Variants in VAC14 observed in about 807,000 individuals in gnomAD.
The protein encoded by VAC14 is VAC14 component of PIKFYVE complex, also known as protein VAC14 homolog.
Under a neutral mutation model 85.3 loss-of-function variants are expected in VAC14, and 47 were observed. The observed-to-expected ratio is 0.55, with a 90% confidence interval of 0.44 to 0.70. The LOEUF (loss-of-function observed/expected upper bound fraction) is 0.70, where lower values mean the gene tolerates loss of function less well. Ranked by LOEUF, VAC14 falls within the 30% of genes least tolerant of loss-of-function variation. The pLI, the probability that VAC14 is intolerant of heterozygous loss-of-function variation, is 0.00. For missense variants in VAC14, 861 were observed against 1,004.3 expected (o/e 0.86, Z 1.93); for synonymous variants, 447 against 430.5 (o/e 1.04, Z -0.47).
intron 14 of VAC14, among the ~76,000 whole-genome samples, chr16:70,722,901 G>T (rs937667177): frequency 6.6e-6 from 1 of 152,124 alleles, no homozygotes; most frequent in Admixed American, 6.5e-5. Flanking sequence ...GCAACATAGT[G>T]AGACCCCATC....
chr16:70,729,117 T>C (rs1323520582), intron 14 of VAC14, among the ~76,000 whole-genome samples: 3 of 152,208 alleles, frequency 2.0e-5, no homozygotes, highest in Non-Finnish European at 4.4e-5. Context: ...TTTAGAGACA[T>C]TTCAGACGGT....
At position 70,766,467 on chromosome 16, in the gene VAC14, G is replaced by A. The variant is rs200657919; in HGVS notation, c.1161-3442C>T. On this transcript the variant is annotated intron_variant, in intron 10 of 18. Transcript: ENST00000261776. ...GCAAACACCTGAACACAGCGAACCTGAAGGTATAGGGCATCTTCAGGCTGC... is the reference window on the plus strand; with the variant it reads ...GCAAACACCTGAACACAGCGAACCTAAAGGTATAGGGCATCTTCAGGCTGC... The A allele has an allele frequency of 9.2e-4, 419 of 456,724 alleles. 1 individual carries two copies. Among genetic ancestry groups the A allele is most frequent in the Non-Finnish European group, 1.7e-3 (391 of 226,962 alleles). 28.3% of individuals were successfully genotyped at this position (456,724 alleles called of 1,614,324 possible).
chr16:70,696,047 C>T (rs912200759), intron 16 of VAC14, among the ~76,000 whole-genome samples: 2 of 152,216 alleles, frequency 1.3e-5, no homozygotes, highest in Non-Finnish European at 2.9e-5. Context: ...GGGAAGCAGG[C>T]ACACTGTGGG....
intron 14 of VAC14, among the ~76,000 whole-genome samples, chr16:70,728,121 G>A: frequency 6.6e-6 from 1 of 152,236 alleles, no homozygotes. Context: ...GGCTGTGCGG[G>A]TGGGAGTGAG....
chr16:70,720,322 A>G (rs2054258331), intron 14 of VAC14, among the ~76,000 whole-genome samples: 1 of 152,226 alleles, frequency 6.6e-6, no homozygotes, highest in Non-Finnish European at 1.5e-5. Flanking sequence ...ACTTTCAAAT[A>G]GTACGTTCTT....
At chr16:70,752,923 G>A (rs1008346552) in intron 12 of VAC14, among the ~76,000 whole-genome samples, 2 of 152,062 alleles carry the variant, frequency 1.3e-5, no homozygotes, top group Admixed American at 1.3e-4. Flanking sequence ...CGATGGAGAG[G>A]GATTAGAGCT....
chr16:70,762,677 C>T lies in VAC14; in HGVS notation c.1306-72G>A, dbSNP rs543295715. ...CGGGACTACGTGCAGTGCAGTGTCC[C>T]GCTGGTGTGCACGGACCCACTGGTC... On this transcript the variant is annotated intron_variant, in intron 11 of 18. Transcript: ENST00000261776. The surrounding 1 kb of genome is among the most constrained non-coding windows in gnomAD (Gnocchi z 4.1). 5.3e-5 allele frequency: 82 copies of T among 1,558,494 alleles called. 1 individual carries two copies. In the South Asian group the frequency reaches 6.5e-4, roughly 12 times the overall value.
At chr16:70,718,513 G>A (rs536397726) in intron 14 of VAC14, among the ~76,000 whole-genome samples, 1 of 151,800 alleles carries the variant, frequency 6.6e-6, no homozygotes, top group East Asian at 1.9e-4. Context: ...GGCAGAGCTT[G>A]CAGTGAGACA....
At chr16:70,798,602 G>A (rs769508372) in intron 1 of VAC14, among the ~76,000 whole-genome samples, 5 of 152,218 alleles carry the variant, frequency 3.3e-5, no homozygotes, top group South Asian at 2.1e-4. Context: ...TTCTAAGCAT[G>A]ACTGGAGAAG....
intron 12 of VAC14, among the ~76,000 whole-genome samples, chr16:70,748,639 C>G (rs1036175595): frequency 6.6e-6 from 1 of 152,148 alleles, no homozygotes; most frequent in African/African-American, 2.4e-5. Flanking sequence ...TAGGCAGGGC[C>G]AGATCTTCAA....
intron 12 of VAC14, among the ~76,000 whole-genome samples, chr16:70,757,071 G>A (rs1256707793): frequency 2.0e-5 from 3 of 152,184 alleles, no homozygotes; most frequent in Non-Finnish European, 4.4e-5. Context: ...CTGAAGCTAC[G>A]GGAGGGGGAA....
chr16:70,748,275 C>A (rs563116484), intron 12 of VAC14, among the ~76,000 whole-genome samples: 26 of 152,366 alleles, frequency 1.7e-4, no homozygotes, highest in Admixed American at 5.2e-4. Context: ...TGGGCTAGTC[C>A]TGTGCTGGGT....
At chr16:70,797,830 T>G (rs192337294) in intron 1 of VAC14, among the ~76,000 whole-genome samples, 48 of 152,328 alleles carry the variant, frequency 3.2e-4, no homozygotes, top group African/African-American at 1.1e-3. Flanking sequence ...CTGCTCACTC[T>G]CTTTTGCTCC....
intron 1 of VAC14, among the ~76,000 whole-genome samples, chr16:70,790,729 T>TC (rs1234813540): frequency 1.3e-5 from 2 of 151,482 alleles, no homozygotes. Flanking sequence ...CCGGAAGGCC[T>TC]CCCCCACCAG....
At chr16:70,781,207 G>A (rs1249838399) in intron 8 of VAC14, among the ~76,000 whole-genome samples, 5 of 151,998 alleles carry the variant, frequency 3.3e-5, no homozygotes, top group African/African-American at 1.2e-4. Context: ...GTGACCTGCT[G>A]GCTTCCTCTT....
intron 18 of VAC14, chr16:70,688,642 C>T (rs1567516022): frequency 2.3e-5 from 23 of 985,646 alleles, no homozygotes; most frequent in Non-Finnish European, 2.8e-5. Flanking sequence ...GAATGCCGGT[C>T]TCACCACTGG....
chr16:70,733,087 G>C (rs1443860288), intron 13 of VAC14, among the ~76,000 whole-genome samples: 1 of 152,190 alleles, frequency 6.6e-6, no homozygotes, highest in African/African-American at 2.4e-5. Flanking sequence ...ACTAATTTCA[G>C]AACATTTTTA....
rs144022940 is a variant in VAC14, at chr16:70,725,003, C to T, written c.1661+6492G>A. On this transcript the variant is annotated intron_variant, in intron 14 of 18. Transcript: ENST00000261776. Reference sequence around the variant, plus strand: ...CACAGCAATTTATTTTTATCCTGAACAAATGAACGCAATCCATTAAAAGGG... The same window carrying T: ...CACAGCAATTTATTTTTATCCTGAATAAATGAACGCAATCCATTAAAAGGG... 4.2e-3 allele frequency among the ~76,000 whole-genome samples: 642 copies of T among 152,388 alleles called. 5 individuals carry two copies. The Middle Eastern group carries it at 0.048, about 11-fold the overall frequency.
In VAC14 at chr16:70,761,016, T is replaced by TGTGTGTGTGTGTGTGTGC. The variant is rs1413571677; in HGVS notation, c.1371+1523_1371+1524insGCACACACACACACACAC. 3.0e-4 allele frequency: 89 copies of TGTGTGTGTGTGTGTGTGC among 300,920 alleles called. 4 individuals carry two copies. The African/African-American group carries it at 3.5e-3, about 12-fold the overall frequency. The allele number at this position is 300,920 out of a possible 1,614,324, so 18.6% of individuals were successfully genotyped here. A position where few individuals can be genotyped will look rare whatever the true frequency, so the allele number is the denominator to read the frequency against. ...GTGTGTGTGTGTGTGTGTGTGTGTGTGTGCATGGGGGGGCGGGGGGTAGGC... is the reference window on the plus strand; with the variant it reads ...GTGTGTGTGTGTGTGTGTGTGTGTGTGTGTGTGTGTGTGTGTGCGTGCATGGGGGGGCGGGGGGTAGGC... On this transcript the variant is annotated intron_variant, in intron 12 of 18. Transcript: ENST00000261776.
Sources: gnomAD v4.1 joint callset for allele counts (sites outside exome capture counted in the v4.1 genomes callset) on GRCh38, gnomAD v4.1.1 for gene constraint, Gnocchi (gnomAD v3.1) non-coding constraint, MANE v1.5 for transcripts, NCBI Gene and HGNC (gene_info 2026-07-23, HGNC 2026-07-21) for gene names.